The following CAPN14 variants were observed in gnomAD, a reference collection of about 807,000 sequenced individuals.
CAPN14 encodes calpain-14.
CAPN14 carries 94 observed loss-of-function variants against 101.3 expected under a neutral mutation model. The ratio of observed to expected loss-of-function variants is 0.93; its 90% CI spans 0.79 to 1.10. The LOEUF (loss-of-function observed/expected upper bound fraction) is 1.10, where lower values mean the gene tolerates loss of function less well. CAPN14 is among the 50% of genes least tolerant of loss of function. CAPN14 has a pLI of 0.00. For missense variants in CAPN14, 837 were observed against 828.4 expected, an observed-to-expected ratio of 1.01 and a Z score of -0.13; for synonymous variants, 338 against 317.9, an observed-to-expected ratio of 1.06 and a Z score of -0.67.
chr2:31,192,920 CTG>C (rs1681266108), intron 10 of CAPN14, among the ~76,000 whole-genome samples: 1 of 152,174 alleles, frequency 6.6e-6, no homozygotes, highest in African/African-American at 2.4e-5. Flanking sequence ...GGCAGCTTGA[CTG>C]AGAGGACTCT....
upstream of CAPN14, among the ~76,000 whole-genome samples, chr2:31,221,533 C>T (rs1045958204): frequency 6.6e-6 from 1 of 151,098 alleles, no homozygotes; most frequent in Non-Finnish European, 1.5e-5. Flanking sequence ...TGTTCATCTG[C>T]CTTTTTGGGG....
At chr2:31,213,678 T>C (rs1177340154) in intron 1 of CAPN14, among the ~76,000 whole-genome samples, 2 of 152,234 alleles carry the variant, frequency 1.3e-5, no homozygotes, top group African/African-American at 2.4e-5. Context: ...GACTTTTTAA[T>C]AGACCCTTAA....
At chr2:31,231,580 T>C (rs975030016) in intron 1 of CAPN14, among the ~76,000 whole-genome samples, 3 of 152,228 alleles carry the variant, frequency 2.0e-5, no homozygotes, top group Non-Finnish European at 4.4e-5. Context: ...AACAGATAGA[T>C]TTCAACTACT....
chr2:31,181,510 C>CT (rs11409068), intron 16 of CAPN14, among the ~76,000 whole-genome samples: 44,619 of 120,544 alleles, frequency 0.37, 8,770 homozygotes, highest in African/African-American at 0.57. Flanking sequence ...TTCTTTCTTT[C>CT]TTTTTTTTAT....
intron 16 of CAPN14, among the ~76,000 whole-genome samples, chr2:31,184,880 T>G (rs993291663): frequency 6.6e-6 from 1 of 152,240 alleles, no homozygotes. Context: ...AAACAATTAG[T>G]TCATGTTAGC....
chr2:31,219,293 G>A (rs1042848512), upstream of CAPN14, among the ~76,000 whole-genome samples: 2 of 152,086 alleles, frequency 1.3e-5, no homozygotes, highest in Admixed American at 6.6e-5. Context: ...GATGGCCGGG[G>A]AGCCTTGCAC....
At chr2:31,199,384 A>G in intron 7 of CAPN14, 86 bp downstream of exon 7, 2 of 1,176,186 alleles carry the variant, frequency 1.7e-6, no homozygotes, top group Non-Finnish European at 2.5e-6. Context: ...CAGATGGTAC[A>G]GAAACTAAAT....
intron 18 of CAPN14, 64 bp from the exon 19 acceptor site, chr2:31,177,885 G>A: frequency 8.3e-7 from 1 of 1,211,642 alleles, no homozygotes. Context: ...TGAGAGCCCT[G>A]TGTGCCCCTT....
rs1680425054 is a variant in CAPN14 at position 31,178,508 on chromosome 2, T to C, written c.1779+3A>G. ...AAGAGGTGTGGTTAAGACTTGTTCT[T>C]ACCTGAGAGAGCTTCAGCTGCTTCC... On this transcript the variant is annotated splice_donor_region_variant and intron_variant, in intron 18 of 21. Coordinates refer to ENST00000403897, the MANE Select transcript of CAPN14 (RefSeq NM_001145122.2). 1 of 1,550,272 alleles carries C rather than the reference T, an allele frequency of 6.5e-7. No individual in the cohort carries two copies. Among genetic ancestry groups the C allele is most frequent in the Non-Finnish European group, 8.7e-7 (1 of 1,145,838 alleles).
chr2:31,191,328 A>G, intron 12 of CAPN14, 71 bp downstream of exon 12: 2 of 1,445,008 alleles, frequency 1.4e-6, no homozygotes, highest in South Asian at 1.3e-5. Context: ...AGTCTAACTA[A>G]ATCCTGTGGA....
chr2:31,214,765 C>T (rs530647976), intron 1 of CAPN14, among the ~76,000 whole-genome samples: 27 of 152,306 alleles, frequency 1.8e-4, no homozygotes, highest in African/African-American at 6.0e-4. Flanking sequence ...TGAGTTGCCA[C>T]GACCTGGACA....
In CAPN14 at chr2:31,202,146, G is replaced by A. The variant is rs1490267437; in HGVS notation, c.402C>T (p.Ile134=). 6.4e-7 allele frequency: 1 copy of A among 1,551,884 alleles called. No individual in the cohort carries two copies. Among genetic ancestry groups the A allele is most frequent in the South Asian group, 1.2e-5 (1 of 84,060 alleles). The part of the protein sequence containing the change: ...NQSFTEKYAG[I]FRFWFWHYGN... ...GGAAGACACTCACCCAGAACCGGAA[G>A]ATGCCAGCATACTTCTCAGTGAAAC... The change falls in exon 4 of 22, where the codon ATC becomes ATT. Residue 134 remains isoleucine (I), a synonymous_variant. Coordinates refer to ENST00000403897, the MANE Select transcript of CAPN14 (RefSeq NM_001145122.2).
At chr2:31,194,102 C>CA (rs1363681165) in intron 9 of CAPN14, among the ~76,000 whole-genome samples, 3 of 152,004 alleles carry the variant, frequency 2.0e-5, no homozygotes, top group Non-Finnish European at 2.9e-5. Flanking sequence ...CTTTTCAGGA[C>CA]AAAAAAGGCA....
chr2:31,200,165 G>A (rs373102920), intron 6 of CAPN14, among the ~76,000 whole-genome samples: 15 of 152,088 alleles, frequency 9.9e-5, no homozygotes, highest in East Asian at 3.9e-4. Flanking sequence ...CACCATGCCC[G>A]GCTAATTTTT....
At chr2:31,184,008 A>T (rs1558614168) in intron 16 of CAPN14, among the ~76,000 whole-genome samples, 1 of 151,998 alleles carries the variant, frequency 6.6e-6, no homozygotes, top group Non-Finnish European at 1.5e-5. Flanking sequence ...CAGCCTCCTG[A>T]GTAGCTGGGA....
At chr2:31,186,361 A>G in intron 16 of CAPN14, 67 bp downstream of exon 16, 3 of 1,182,938 alleles carry the variant, frequency 2.5e-6, no homozygotes, top group Non-Finnish European at 3.6e-6. Flanking sequence ...GGGAAAGAGA[A>G]ACAAAGCCAG....
intron 18 of CAPN14, 149 bp downstream of exon 18, chr2:31,178,362 T>C (rs1680415598): frequency 7.7e-6 from 5 of 647,612 alleles, no homozygotes; most frequent in East Asian, 5.7e-5. Flanking sequence ...AAGAGACCAA[T>C]AGAGGAAATG....
At chr2:31,194,122 T>A (rs1572408816) in intron 9 of CAPN14, among the ~76,000 whole-genome samples, 1 of 152,132 alleles carries the variant, frequency 6.6e-6, no homozygotes, top group East Asian at 1.9e-4. Flanking sequence ...AAAACCTGTT[T>A]TGAATACACT....
chr2:31,178,598 TA>T lies in CAPN14; in HGVS notation c.1711-20del, dbSNP rs1419858116. On this transcript the variant is annotated intron_variant, in intron 17 of 21. Coordinates refer to ENST00000403897, the MANE Select transcript of CAPN14 (RefSeq NM_001145122.2). Reference sequence around the variant, plus strand: ...CATTAAGCTGATTAATAGGTTAAGGTAAAAGCTTCCAGGGAGAGTTCTATCC... The same window carrying T: ...CATTAAGCTGATTAATAGGTTAAGGTAAAGCTTCCAGGGAGAGTTCTATCC... 4.0e-6 allele frequency: 6 copies of T among 1,490,618 alleles called. No homozygotes were observed. In the African/African-American group the frequency reaches 5.7e-5, roughly 14 times the overall value. The allele number at this position is 1,490,618 out of a possible 1,614,324, so 92.3% of individuals were successfully genotyped here.
Sources: allele counts gnomAD v4.1 joint callset (sites outside exome capture counted in the v4.1 genomes callset), GRCh38; gene constraint gnomAD v4.1.1; transcripts MANE v1.5; gene names NCBI Gene and HGNC (gene_info 2026-07-23, HGNC 2026-07-21).